The following PXDNL variants were observed in gnomAD, a reference collection of about 807,000 sequenced individuals.
PXDNL encodes the protein probable oxidoreductase PXDNL.
PXDNL carries 145 observed loss-of-function variants against 150.8 expected under a neutral mutation model. The observed-to-expected ratio is 0.96, with a 90% CI of 0.84 to 1.10. The LOEUF is 1.10. Among genes scored for constraint, PXDNL ranks in the 50% least tolerant of loss-of-function variants. The pLI, the probability that PXDNL is intolerant of heterozygous loss-of-function variation, is 0.00. For synonymous variants in PXDNL, 757 were observed against 725.7 expected, an observed-to-expected ratio of 1.04 and a Z score of -0.69; for missense variants, 2,087 against 1,873.9, an observed-to-expected ratio of 1.11 and a Z score of -2.10.
At chr8:51,743,908 A>AAAGGAAGGAAGG (rs61300692) in intron 1 of PXDNL, among the ~76,000 whole-genome samples, 3,270 of 66,942 alleles carry the variant, frequency 0.049, 343 homozygotes, top group African/African-American at 0.13. Context: ...GCTGAGAGAG[A>AAAGGAAGGAAGG]AAGGAAGGAA....
chr8:51,704,614 C>T (rs1174328616), intron 1 of PXDNL, among the ~76,000 whole-genome samples: 1 of 152,186 alleles, frequency 6.6e-6, no homozygotes, highest in Non-Finnish European at 1.5e-5. Flanking sequence ...TATAACACTT[C>T]TCATTGCTCC....
intron 1 of PXDNL, among the ~76,000 whole-genome samples, chr8:51,768,008 T>C (rs1340848269): frequency 6.6e-6 from 1 of 152,244 alleles, no homozygotes; most frequent in Non-Finnish European, 1.5e-5. Flanking sequence ...TCTTTCCTCT[T>C]AGTGGTTTCT....
intron 19 of PXDNL, among the ~76,000 whole-genome samples, chr8:51,353,295 A>T (rs1022528243): frequency 2.0e-5 from 3 of 151,430 alleles, no homozygotes; most frequent in Non-Finnish European, 4.4e-5. Context: ...TTATATCTTT[A>T]TTCAGGCTTT....
At chr8:51,765,432 T>C (rs768845882) in intron 1 of PXDNL, among the ~76,000 whole-genome samples, 2 of 152,186 alleles carry the variant, frequency 1.3e-5, no homozygotes, top group Admixed American at 6.5e-5. Flanking sequence ...CTCTTTTTGT[T>C]TATAAATTAC....
At chr8:51,513,854 C>G (rs1199291613) in intron 4 of PXDNL, among the ~76,000 whole-genome samples, 1 of 152,212 alleles carries the variant, frequency 6.6e-6, no homozygotes. Context: ...CCAATTAAAC[C>G]CATAAAACCA....
At chr8:51,368,448 T>A (rs1007904430) in intron 19 of PXDNL, among the ~76,000 whole-genome samples, 3 of 151,950 alleles carry the variant, frequency 2.0e-5, no homozygotes, top group Non-Finnish European at 2.9e-5. Flanking sequence ...TCCAGGATTT[T>A]AAAAAAATGT....
Position 51,484,553 on chromosome 8 carries a change from G to A in PXDNL, c.453-839C>T, listed in dbSNP as rs188475181. ...TGGAGATGTGCAAGCTCTGCCTGTC[G>A]CTTACTGGCCAGCACAGTTTTGCTG... is the stretch of plus-strand genomic sequence containing the variant. On this transcript the variant is annotated intron_variant, in intron 5 of 22. Coordinates refer to ENST00000356297, the MANE Select transcript of PXDNL (RefSeq NM_144651.5). Among the ~76,000 whole-genome samples, 362 of 152,202 alleles carry A rather than the reference G, an allele frequency of 2.4e-3. 5 individuals are homozygous for A. Among genetic ancestry groups the A allele is most frequent in the African/African-American group, 8.0e-3 (334 of 41,520 alleles).
chr8:51,499,350 C>G (rs759920484), intron 5 of PXDNL, among the ~76,000 whole-genome samples: 1 of 152,074 alleles, frequency 6.6e-6, no homozygotes, highest in African/African-American at 2.4e-5. Context: ...AAGCTGGTAT[C>G]GAACTCCTGA....
At chr8:51,680,298 C>CT (rs1447487936) in intron 1 of PXDNL, among the ~76,000 whole-genome samples, 9 of 152,056 alleles carry the variant, frequency 5.9e-5, no homozygotes, top group Non-Finnish European at 1.3e-4. Flanking sequence ...ATAGAGTTGT[C>CT]GTCTTCAAAA....
intron 19 of PXDNL, among the ~76,000 whole-genome samples, chr8:51,349,188 TG>T (rs1350981547): frequency 2.6e-5 from 4 of 151,730 alleles, no homozygotes; most frequent in African/African-American, 9.7e-5. Flanking sequence ...TGTGTGTGTG[TG>T]TGTGAATCTT....
intron 5 of PXDNL, among the ~76,000 whole-genome samples, chr8:51,493,738 A>G (rs543791250): frequency 6.6e-6 from 1 of 152,350 alleles, no homozygotes; most frequent in African/African-American, 2.4e-5. Context: ...AGAAAAAAGA[A>G]TAAAAAGAAA....
At chr8:51,446,911 G>A in intron 12 of PXDNL, 93 bp downstream of exon 12, 1 of 959,054 alleles carries the variant, frequency 1.0e-6, no homozygotes, top group Non-Finnish European at 1.6e-6. Flanking sequence ...TATATATATA[G>A]TCATATATGT....
chr8:51,386,003 C>A (rs986750566), intron 17 of PXDNL, among the ~76,000 whole-genome samples: 1 of 152,116 alleles, frequency 6.6e-6, no homozygotes, highest in Non-Finnish European at 1.5e-5. Flanking sequence ...GACTAATAGA[C>A]CATGGTATTG....
chr8:51,655,485 C>A (rs1319370927), intron 1 of PXDNL, among the ~76,000 whole-genome samples: 3 of 152,102 alleles, frequency 2.0e-5, no homozygotes, highest in Middle Eastern at 3.2e-3. Flanking sequence ...GTTTGTGATA[C>A]AACAGAGGAT....
chr8:51,460,817 A>G (rs1199799030), intron 8 of PXDNL, among the ~76,000 whole-genome samples: 1 of 152,128 alleles, frequency 6.6e-6, no homozygotes. Context: ...CAGGTTTTAC[A>G]CACGGGGCAA....
rs776253984 is a variant in PXDNL, at chr8:51,409,394, C to T, written c.2230G>A (p.Ala744Thr). Residue 744 changes from alanine (A) to threonine (T), a missense_variant, in exon 17 of 23, where the codon GCG becomes ACG. Physicochemically the swap from Ala to Thr is moderately conservative, Grantham distance 58. Transcript: ENST00000356297. Reference protein sequence around the residue: ...CNNLQQPTWGAALTAFARLLQ... With the variant: ...CNNLQQPTWGTALTAFARLLQ... ...AGGCGCGCGAAGGCGGTCAGCGCCG[C>T]GCCCCACGTGGGCTGCTGCAGGTTG... is the stretch of plus-strand genomic sequence containing the variant. 3.7e-6 allele frequency: 6 copies of T among 1,606,580 alleles called. No individual in the cohort carries two copies. Among genetic ancestry groups the T allele is most frequent in the East Asian group, 4.5e-5 (2 of 44,172 alleles).
At chr8:51,673,841 C>T (rs185421616) in intron 1 of PXDNL, among the ~76,000 whole-genome samples, 1 of 151,976 alleles carries the variant, frequency 6.6e-6, no homozygotes, top group Non-Finnish European at 1.5e-5. Context: ...AAAAGTTTAG[C>T]CTTTTATAGG....
intron 2 of PXDNL, among the ~76,000 whole-genome samples, chr8:51,651,238 A>T (rs1815028057): frequency 6.6e-6 from 1 of 152,230 alleles, no homozygotes; most frequent in African/African-American, 2.4e-5. Context: ...CGTAGTATAT[A>T]ATTTGGAAGC....
chr8:51,320,984 T>C (rs1412851525), intron 21 of PXDNL, 87 bp from the exon 22 acceptor site: 22 of 979,316 alleles, frequency 2.2e-5, no homozygotes, highest in Admixed American at 1.9e-4. Context: ...TGAAATGCTC[T>C]ATTCTGTAAG....
Sources: gnomAD v4.1 joint callset for allele counts (sites outside exome capture counted in the v4.1 genomes callset) on GRCh38, gnomAD v4.1.1 for gene constraint, MANE v1.5 for transcripts, NCBI Gene and HGNC (gene_info 2026-07-23, HGNC 2026-07-21) for gene names.